The following GSE1 variants were observed in gnomAD, a reference collection of about 807,000 sequenced individuals.
GSE1 encodes genetic suppressor element 1.
A neutral mutation model predicts 112.6 loss-of-function variants in GSE1; 32 were observed. The observed-to-expected ratio is 0.28, with a 90% CI of 0.21 to 0.38. GSE1 has a LOEUF of 0.38. Ranked by LOEUF, GSE1 falls within the 10% of genes least tolerant of loss-of-function variation. The probability of loss-of-function intolerance (pLI) is 1.00; values close to 1 mark genes in which losing one functional copy is unlikely to be tolerated. For synonymous variants in GSE1, 1,115 were observed against 735.6 expected, an observed-to-expected ratio of 1.52 and a Z score of -8.35; for missense variants, 2,348 against 1,699.2, an observed-to-expected ratio of 1.38 and a Z score of -6.71.
upstream of GSE1, chr16:85,613,275 C>T (rs1301488411): frequency 2.0e-6 from 3 of 1,537,064 alleles, no homozygotes; most frequent in Non-Finnish European, 1.8e-6. Context: ...TCCACCTCCC[C>T]AGCGGGCCCG....
chr16:85,485,006 C>T (rs558900496), intron 2 of GSE1, among the ~76,000 whole-genome samples: 17 of 152,198 alleles, frequency 1.1e-4, no homozygotes, highest in African/African-American at 4.1e-4. Context: ...CTGTCCTAGG[C>T]CCGGGGCCAG....
upstream of GSE1, chr16:85,555,635 G>A (rs2045167404): frequency 1.1e-6 from 1 of 911,070 alleles, no homozygotes; most frequent in South Asian, 5.3e-5. Flanking sequence ...ACAAAACAAA[G>A]CCGATTTCTC....
At chr16:85,338,495 C>T (rs2046553429) in intron 1 of GSE1, among the ~76,000 whole-genome samples, 1 of 152,194 alleles carries the variant, frequency 6.6e-6, no homozygotes, top group African/African-American at 2.4e-5. Flanking sequence ...ATAATGATAG[C>T]ACCTATGTCA....
chr16:85,523,651 C>T (rs2052266064), intron 2 of GSE1, among the ~76,000 whole-genome samples: 1 of 152,324 alleles, frequency 6.6e-6, no homozygotes, highest in African/African-American at 2.4e-5. Flanking sequence ...AGAGGGGGTC[C>T]CTCCTCGTGC....
At chr16:85,233,812 G>T (rs1904330198) in intron 1 of GSE1, among the ~76,000 whole-genome samples, 2 of 152,210 alleles carry the variant, frequency 1.3e-5, no homozygotes, top group Non-Finnish European at 2.9e-5. Flanking sequence ...ACCAGCCCAG[G>T]TGAGGCTGCC....
At chr16:85,388,610 G>T (rs1240134473) in intron 2 of GSE1, among the ~76,000 whole-genome samples, 1 of 151,456 alleles carries the variant, frequency 6.6e-6, no homozygotes, top group African/African-American at 2.4e-5. Flanking sequence ...ATGGTTGGAT[G>T]GATGGATGGA....
chr16:85,305,789 T>G (rs1567676636), intron 1 of GSE1, among the ~76,000 whole-genome samples: 1 of 152,232 alleles, frequency 6.6e-6, no homozygotes, highest in East Asian at 1.9e-4. Context: ...CATCAGTATT[T>G]TTTAAAGTTC....
chr16:85,178,772 G>A (rs1247011337), intron 1 of GSE1, among the ~76,000 whole-genome samples: 1 of 151,616 alleles, frequency 6.6e-6, no homozygotes, highest in East Asian at 1.9e-4. Flanking sequence ...GGCCAGCAGA[G>A]TGGCCGGAGA....
chr16:85,175,997 C>G (rs2074455902), intron 1 of GSE1, among the ~76,000 whole-genome samples: 1 of 152,104 alleles, frequency 6.6e-6, no homozygotes, highest in Non-Finnish European at 1.5e-5. Flanking sequence ...TGCTTCTTTT[C>G]TTTTGTTTTG....
At chr16:85,595,693 C>CA (rs2047190170) in intron 1 of GSE1, 1 of 152,040 alleles carries the variant, frequency 6.6e-6, no homozygotes, top group African/African-American at 2.4e-5. Context: ...TCCTCCCATC[C>CA]ACTCACCCAC....
intron 1 of GSE1, among the ~76,000 whole-genome samples, chr16:85,228,114 G>A (rs992837147): frequency 3.3e-5 from 5 of 152,230 alleles, no homozygotes; most frequent in African/African-American, 9.6e-5. Flanking sequence ...AACAGCACGG[G>A]CAGAGGCCCC....
At chr16:85,475,407 C>T (rs921474171) in intron 2 of GSE1, among the ~76,000 whole-genome samples, 2 of 152,310 alleles carry the variant, frequency 1.3e-5, no homozygotes, top group East Asian at 3.9e-4. Flanking sequence ...GCAGGCGGAC[C>T]GTGTTTGTCC....
chr16:85,332,783 C>A lies in GSE1; in HGVS notation c.2284-24680C>A, dbSNP rs117103702. On this transcript the variant is annotated intron_variant, in intron 1 of 2. Coordinates refer to the GSE1 transcript ENST00000637419. ...TCCCTCTGAAACGCCCTTTCTCCCCCTCCAGCCTCTTCTCTCCTCAGAGTC... is the reference window on the plus strand; with the variant it reads ...TCCCTCTGAAACGCCCTTTCTCCCCATCCAGCCTCTTCTCTCCTCAGAGTC... Among the ~76,000 whole-genome samples the A allele has an allele frequency of 1.1e-3, 168 of 152,306 alleles. No homozygotes were observed. In the South Asian group the frequency reaches 0.017, roughly 15 times the overall value.
intron 1 of GSE1, among the ~76,000 whole-genome samples, chr16:85,205,904 G>A (rs948472899): frequency 3.9e-5 from 6 of 152,210 alleles, no homozygotes; most frequent in Non-Finnish European, 7.3e-5. Flanking sequence ...GTGCCGTCAC[G>A]TGCCTGCAAG....
intron 2 of GSE1, among the ~76,000 whole-genome samples, chr16:85,472,595 A>AGGCATAGCGCAGCCC (rs1170236758): frequency 6.6e-6 from 1 of 152,196 alleles, no homozygotes; most frequent in Non-Finnish European, 1.5e-5. Context: ...GCATTATGGG[A>AGGCATAGCGCAGCCC]GGCATAGCGC....
rs1038735184 is a variant in GSE1 at position 85,673,129 on chromosome 16, T to G, written c.*590T>G. On this transcript the variant is annotated 3_prime_UTR_variant, in exon 16 of 16. Coordinates refer to ENST00000253458, the MANE Select transcript of GSE1 (RefSeq NM_014615.5). ...ACAAAGCAACCCAAAGGCTTTTCCC[T>G]GGAAAAGCTCTTTCTTACCTAAAGA... The G allele has an allele frequency of 6.6e-6, 1 of 152,374 alleles. No individual in the cohort carries two copies. The highest frequency in any genetic ancestry group is 2.4e-5 in the African/African-American group (1 of 41,450). 9.4% of individuals were successfully genotyped at this position (152,374 alleles called of 1,614,324 possible). A position where few individuals can be genotyped will look rare whatever the true frequency, so the allele number is the denominator to read the frequency against.
chr16:85,310,143 C>T (rs1018167585), intron 1 of GSE1, among the ~76,000 whole-genome samples: 1 of 152,198 alleles, frequency 6.6e-6, no homozygotes, highest in Non-Finnish European at 1.5e-5. Context: ...CAGGCCTGTG[C>T]CTCCTGCCAG....
chr16:85,666,142 G>A lies in GSE1; in HGVS notation c.2925G>A (p.Arg975=), dbSNP rs1308508943. The A allele has an allele frequency of 6.2e-6, 10 of 1,613,356 alleles. No individual in the cohort carries two copies. Among genetic ancestry groups the A allele is most frequent in the South Asian group, 1.1e-5 (1 of 91,080 alleles). ...CTCCTGCCAGCGGGGAGAAGGCCAG[G>A]CTGAGCGAGGCCCCTGGAGGCAAAA... is the stretch of plus-strand genomic sequence containing the variant. The part of the protein sequence containing the change: ...ELAPASGEKA[R]LSEAPGGKKS... The change falls in exon 13 of 16, where the codon AGG becomes AGA. Residue 975 remains arginine, a synonymous_variant. Coordinates refer to ENST00000253458, the MANE Select transcript of GSE1 (RefSeq NM_014615.5).
intron 12 of GSE1, among the ~76,000 whole-genome samples, chr16:85,665,505 C>G (rs919621461): frequency 8.5e-5 from 13 of 152,238 alleles, no homozygotes; most frequent in African/African-American, 2.7e-4. Flanking sequence ...TGCCACTAGC[C>G]TAGCCGCCCT....
Sources: gnomAD v4.1 joint callset for allele counts (sites outside exome capture counted in the v4.1 genomes callset) on GRCh38, gnomAD v4.1.1 for gene constraint, MANE v1.5 for transcripts, NCBI Gene and HGNC (gene_info 2026-07-23, HGNC 2026-07-21) for gene names.